The following STPG4 variants were observed in gnomAD, a reference collection of about 807,000 sequenced individuals.
STPG4 encodes the protein protein STPG4.
In STPG4, 41 loss-of-function variants were observed where a neutral mutation model predicts 31.5. The observed-to-expected ratio is 1.30, with a 90% CI of 1.01 to 1.69. The LOEUF (loss-of-function observed/expected upper bound fraction) is 1.69, where lower values mean the gene tolerates loss of function less well. Among genes scored for constraint, STPG4 ranks in the 40% most tolerant of loss-of-function variants. STPG4 has a pLI of 0.00. For missense variants in STPG4, 375 were observed against 293.4 expected, an observed-to-expected ratio of 1.28 and a Z score of -2.03; for synonymous variants, 141 against 103.0, an observed-to-expected ratio of 1.37 and a Z score of -2.24.
At chr2:47,097,061 G>T (rs1685686093) in intron 5 of STPG4, among the ~76,000 whole-genome samples, 1 of 152,068 alleles carries the variant, frequency 6.6e-6, no homozygotes, top group South Asian at 2.1e-4. Flanking sequence ...AGGGAGGGAG[G>T]GATATGAGGG....
chr2:47,106,587 C>T (rs111245853), intron 5 of STPG4, among the ~76,000 whole-genome samples: 13,915 of 152,004 alleles, frequency 0.092, 902 homozygotes, highest in Non-Finnish European at 0.12. Flanking sequence ...GAGGCCTAGA[C>T]CTCCTCACTG....
intron 3 of STPG4, among the ~76,000 whole-genome samples, chr2:47,132,689 C>T (rs1375540451): frequency 6.6e-6 from 1 of 152,166 alleles, no homozygotes. Context: ...CAGCAATGTC[C>T]TATTTCCTGA....
chr2:47,090,137 C>G (rs988175107), intron 6 of STPG4, 133 bp downstream of exon 6: 1 of 609,586 alleles, frequency 1.6e-6, no homozygotes, highest in Non-Finnish European at 2.9e-6. Flanking sequence ...CTGTATCTAC[C>G]AGAACTGTAC....
chr2:47,107,790 G>A (rs905249753), intron 5 of STPG4, among the ~76,000 whole-genome samples: 33 of 151,974 alleles, frequency 2.2e-4, no homozygotes, highest in Non-Finnish European at 5.9e-5. Flanking sequence ...CTCAGGGATT[G>A]TAAATACACC....
chr2:47,118,466 T>A (rs1686196249), intron 5 of STPG4, among the ~76,000 whole-genome samples: 1 of 152,218 alleles, frequency 6.6e-6, no homozygotes, highest in Admixed American at 6.5e-5. Context: ...TATATTACAA[T>A]GTAATGATAA....
intron 1 of STPG4, among the ~76,000 whole-genome samples, chr2:47,153,924 G>A (rs1438022795): frequency 2.0e-5 from 3 of 152,138 alleles, no homozygotes; most frequent in Non-Finnish European, 4.4e-5. Context: ...GGAAGCTTTT[G>A]TCTTCATATT....
chr2:47,152,888 G>T, intron 2 of STPG4, 69 bp downstream of exon 2: 3 of 1,147,492 alleles, frequency 2.6e-6, no homozygotes, highest in Non-Finnish European at 1.3e-6. Flanking sequence ...AGTCTTAAAA[G>T]CTATAATTGA....
At chr2:47,126,605 G>A (rs183288354) in intron 5 of STPG4, among the ~76,000 whole-genome samples, 3 of 152,106 alleles carry the variant, frequency 2.0e-5, no homozygotes, top group Non-Finnish European at 4.4e-5. Flanking sequence ...GAGATTATAG[G>A]CATGAGCCAC....
chr2:47,128,665 G>A (rs1261284331), intron 5 of STPG4, among the ~76,000 whole-genome samples: 2 of 152,010 alleles, frequency 1.3e-5, no homozygotes, highest in African/African-American at 4.8e-5. Flanking sequence ...GCCAGGCCTG[G>A]GTCTCTCCCT....
Position 47,087,126 on chromosome 2 carries a change from G to T in STPG4, c.629C>A (p.Thr210Asn), listed in dbSNP as rs1261936138. The change falls in exon 7 of 7, where the codon ACC (threonine) becomes AAC (asparagine). Residue 210 changes from threonine to asparagine, a missense_variant. Coordinates refer to ENST00000445927, the MANE Select transcript of STPG4 (RefSeq NM_001163561.2). ...VPRFLPSCSK[T>N]PGPGAYTTLR... ...AGTTGTATATGCTCCTGGGCCTGGG[G>T]TTTTCTGAAAACAGAGCAGAAAACA... 1.3e-6 allele frequency: 2 copies of T among 1,551,554 alleles called. No individual in the cohort carries two copies. The highest frequency in any genetic ancestry group is 1.7e-6 in the Non-Finnish European group (2 of 1,146,980).
chr2:47,134,706 C>G (rs917406238), intron 3 of STPG4, among the ~76,000 whole-genome samples: 2 of 152,138 alleles, frequency 1.3e-5, no homozygotes, highest in Non-Finnish European at 2.9e-5. Flanking sequence ...CTTTCAAGTC[C>G]TGTGGGTAAA....
At chr2:47,101,392 G>C (rs1238364005) in intron 5 of STPG4, among the ~76,000 whole-genome samples, 1 of 151,724 alleles carries the variant, frequency 6.6e-6, no homozygotes, top group African/African-American at 2.4e-5. Flanking sequence ...CTGCGGCCAT[G>C]AGCAGAACTC....
intron 3 of STPG4, among the ~76,000 whole-genome samples, chr2:47,137,710 G>A (rs72808601): frequency 0.092 from 14,034 of 152,120 alleles, 837 homozygotes; most frequent in Non-Finnish European, 0.12. Context: ...GGAAAATTCT[G>A]TCTTTCAAGT....
At chr2:47,091,761 G>T (rs953512417) in intron 5 of STPG4, among the ~76,000 whole-genome samples, 1 of 152,118 alleles carries the variant, frequency 6.6e-6, no homozygotes, top group Admixed American at 6.5e-5. Context: ...AGTTTAAGAT[G>T]ACATATATTT....
intron 6 of STPG4, among the ~76,000 whole-genome samples, chr2:47,087,355 C>A (rs539872813): frequency 6.6e-6 from 1 of 152,350 alleles, no homozygotes; most frequent in East Asian, 1.9e-4. Flanking sequence ...GGGGGGCTAA[C>A]AGGCCAGGCC....
intron 3 of STPG4, among the ~76,000 whole-genome samples, chr2:47,134,534 G>A (rs1686558290): frequency 2.0e-5 from 3 of 152,294 alleles, no homozygotes; most frequent in South Asian, 4.1e-4. Flanking sequence ...TGGCTTCATA[G>A]CTCATTTCTT....
chr2:47,091,370 G>GA (rs1316793856), intron 5 of STPG4, among the ~76,000 whole-genome samples: 1 of 152,214 alleles, frequency 6.6e-6, no homozygotes, highest in African/African-American at 2.4e-5. Flanking sequence ...GTTGTTGCAG[G>GA]AAACCAGGAG....
chr2:47,118,081 C>A (rs1470704241), intron 5 of STPG4, among the ~76,000 whole-genome samples: 1 of 152,068 alleles, frequency 6.6e-6, no homozygotes, highest in African/African-American at 2.4e-5. Context: ...ATATTGACTA[C>A]TTGGCTTTAG....
intron 5 of STPG4, among the ~76,000 whole-genome samples, chr2:47,094,553 G>A (rs1685633281): frequency 6.6e-6 from 1 of 152,156 alleles, no homozygotes; most frequent in Non-Finnish European, 1.5e-5. Flanking sequence ...TTGGCCTCTG[G>A]GGAGTTTGGA....
Sources: gnomAD v4.1 joint callset for allele counts (sites outside exome capture counted in the v4.1 genomes callset) on GRCh38, gnomAD v4.1.1 for gene constraint, MANE v1.5 for transcripts, NCBI Gene and HGNC (gene_info 2026-07-23, HGNC 2026-07-21) for gene names.